The following CEP170B variants were observed in gnomAD, a reference collection of about 807,000 sequenced individuals.
CEP170B encodes the protein centrosomal protein 170B.
Under a neutral mutation model 120.6 loss-of-function variants are expected in CEP170B, and 55 were observed. The ratio of observed to expected loss-of-function variants is 0.46; its 90% confidence interval spans 0.37 to 0.57. The LOEUF (loss-of-function observed/expected upper bound fraction) is 0.57, where lower values mean the gene tolerates loss of function less well. Ranked by LOEUF, CEP170B falls within the 20% of genes least tolerant of loss-of-function variation. The pLI is 0.00. For missense variants in CEP170B, 2,212 were observed against 2,253.3 expected (o/e 0.98, Z 0.37); for synonymous variants, 1,033 against 954.5 (o/e 1.08, Z -1.52).
intron 2 of CEP170B, among the ~76,000 whole-genome samples, chr14:104,875,768 CG>C (rs957729996): frequency 2.2e-3 from 329 of 152,208 alleles, no homozygotes; most frequent in African/African-American, 7.4e-3. Context: ...ACCTGTCCTC[CG>C]GGGGGGTGGT....
At chr14:104,889,814 G>A (rs1896700449) in intron 13 of CEP170B, 56 bp downstream of exon 13, 2 of 1,550,676 alleles carry the variant, frequency 1.3e-6, no homozygotes, top group Non-Finnish European at 1.8e-6. Context: ...TCTTGAGTGA[G>A]AGCACCCTGA....
chr14:104,878,954 G>T (rs1251982146), intron 5 of CEP170B, among the ~76,000 whole-genome samples: 1 of 152,232 alleles, frequency 6.6e-6, no homozygotes. Flanking sequence ...CACCCTGCAG[G>T]AGAGTGCAGC....
chr14:104,864,951 G>A (rs955140329), upstream of CEP170B, among the ~76,000 whole-genome samples: 1 of 151,562 alleles, frequency 6.6e-6, no homozygotes, highest in Non-Finnish European at 1.5e-5. The surrounding 1 kb of genome is among the most constrained non-coding windows in gnomAD (Gnocchi z 5.9). Context: ...GGGCCGGACC[G>A]GGAGGCGAAG....
At chr14:104,876,716 A>G (rs1357815157) in intron 3 of CEP170B, among the ~76,000 whole-genome samples, 1 of 152,082 alleles carries the variant, frequency 6.6e-6, no homozygotes, top group African/African-American at 2.4e-5. Flanking sequence ...GGCTGCTCTC[A>G]GGGAGAGTGG....
chr14:104,883,879 C>T lies in CEP170B; in HGVS notation c.1100C>T (p.Ala367Val), dbSNP rs1458308248. Residue 367 changes from alanine (A) to valine (V), a missense_variant, in exon 9 of 19, where the codon GCC (alanine) becomes GTC (valine). Around this residue, in one of 2 missense-constraint regions of CEP170B, gnomAD observed 2,166 missense variants for 2,166.7 expected, o/e 1.00. Coordinates refer to ENST00000414716, the MANE Select transcript of CEP170B (RefSeq NM_001112726.3). ...GTQSDSEDPLAKAASAAGVPL... is the reference protein window; with the variant it reads ...GTQSDSEDPLVKAASAAGVPL... ...CAGAGTGACTCAGAGGACCCCCTGGCCAAGGCGGCCTCGGCCGCTGGGGTG... is the reference window on the plus strand; with the variant it reads ...CAGAGTGACTCAGAGGACCCCCTGGTCAAGGCGGCCTCGGCCGCTGGGGTG... 33 of 1,578,590 alleles carry T rather than the reference C, an allele frequency of 2.1e-5. No individual in the cohort carries two copies. The highest frequency in any genetic ancestry group is 2.7e-5 in the Non-Finnish European group (31 of 1,163,060).
chr14:104,871,936 C>T (rs1051468540), intron 2 of CEP170B, among the ~76,000 whole-genome samples: 2 of 152,222 alleles, frequency 1.3e-5, no homozygotes, highest in African/African-American at 4.8e-5. Context: ...GTCCCACGGA[C>T]CACGCTGTCC....
chr14:104,872,488 C>CGTGTGGGTGTGCCATGTGTG, intron 2 of CEP170B, among the ~76,000 whole-genome samples: 1 of 73,450 alleles, frequency 1.4e-5, no homozygotes, highest in Non-Finnish European at 4.1e-5. Flanking sequence ...TGCGTGTGTG[C>CGTGTGGGTGTGCCATGTGTG]CGTGTGTGTG....
In CEP170B at chr14:104,884,528, G is replaced by A. The variant is rs753177387; in HGVS notation, c.1749G>A (p.Glu583=). ...AGGCGCAGGACACGGAGGTGGAGGA[G>A]GCCCGGAAGATGATCGACCAGGTGC... The part of the protein sequence containing the change: ...ETEAQDTEVE[E]ARKMIDQVFG... Residue 583 remains glutamate (E), a synonymous_variant, in exon 9 of 19, where the codon GAG becomes GAA. Transcript: ENST00000414716. 30 of 1,563,106 alleles carry A rather than the reference G, an allele frequency of 1.9e-5. No homozygotes were observed. The highest frequency in any genetic ancestry group is 2.0e-5 in the Non-Finnish European group (23 of 1,153,792).
chr14:104,893,080 C>T lies in CEP170B; in HGVS notation c.3983C>T (p.Ala1328Val). Reference sequence around the variant, plus strand: ...GGCTCCTCGGAGCCTGCCCACAGCGCCTCCCTCAGCAACATGCCCAGCACC... The same window carrying T: ...GGCTCCTCGGAGCCTGCCCACAGCGTCTCCCTCAGCAACATGCCCAGCACC... ...TLGSSEPAHS[A>V]SLSNMPSTPA... The change falls in exon 14 of 19, where the codon GCC becomes GTC. Residue 1328 changes from alanine (A) to valine (V), a missense_variant. By Grantham distance (64) the Ala-to-Val change is moderately conservative. Transcript: ENST00000414716. 6.2e-7 allele frequency: 1 copy of T among 1,606,730 alleles called. No homozygotes were observed. Among genetic ancestry groups the T allele is most frequent in the Non-Finnish European group, 8.5e-7 (1 of 1,177,984 alleles).
chr14:104,877,858 C>T lies in CEP170B; in HGVS notation c.196-27C>T, dbSNP rs373530242. On this transcript the variant is annotated intron_variant, in intron 3 of 18. Coordinates refer to ENST00000414716, the MANE Select transcript of CEP170B (RefSeq NM_001112726.3). ...GCCACCCACCCGCGCAGCTCCCCCCCCCCCCCCGCCACCTGTTTTCCTGCA... is the reference window on the plus strand; with the variant it reads ...GCCACCCACCCGCGCAGCTCCCCCCTCCCCCCCGCCACCTGTTTTCCTGCA... 17 of 975,088 alleles carry T rather than the reference C, an allele frequency of 1.7e-5. 1 individual carries two copies. Among genetic ancestry groups the T allele is most frequent in the African/African-American group, 1.9e-5 (1 of 52,678 alleles). 60.4% of individuals were successfully genotyped at this position (975,088 alleles called of 1,614,324 possible). A position where few individuals can be genotyped will look rare whatever the true frequency, so the allele number is the denominator to read the frequency against.
At chr14:104,865,069 G>A (rs1017968173), upstream of CEP170B, among the ~76,000 whole-genome samples, 4 of 151,292 alleles carry the variant, frequency 2.6e-5, no homozygotes, top group Non-Finnish European at 4.4e-5. The surrounding 1 kb of genome is among the most constrained non-coding windows in gnomAD (Gnocchi z 6.7). Context: ...CTGGGGCAGG[G>A]GCGGGATGGC....
intron 7 of CEP170B, 65 bp downstream of exon 7, chr14:104,882,897 G>A (rs889583680): frequency 1.1e-4 from 164 of 1,533,648 alleles, no homozygotes; most frequent in Non-Finnish European, 1.4e-4. Context: ...TGAAGGGGAT[G>A]GCCTGGGCTT....
intron 6 of CEP170B, 145 bp from the exon 7 acceptor site, chr14:104,882,583 C>T (rs1057150397): frequency 3.3e-5 from 20 of 597,102 alleles, no homozygotes; most frequent in East Asian, 1.1e-4. Context: ...CCCACAGAGG[C>T]GGGGCCCTGG....
chr14:104,885,988 C>T, intron 10 of CEP170B, 52 bp from the exon 11 acceptor site: 1 of 1,460,228 alleles, frequency 6.8e-7, no homozygotes, highest in Non-Finnish European at 9.2e-7. Flanking sequence ...GCACCCCCTG[C>T]TTCTCGCCGT....
At chr14:104,893,466 C>T (rs1440560872) in intron 14 of CEP170B, 57 bp from the exon 15 acceptor site, 8 of 1,559,484 alleles carry the variant, frequency 5.1e-6, no homozygotes, top group Non-Finnish European at 6.9e-6. Context: ...GAGGTGCAGC[C>T]ACAGCCTGGC....
Position 104,894,919 on chromosome 14 carries a change from C to A in CEP170B, c.4626C>A (p.Asp1542Glu). ...GCTGTGGGCCTCCCAGCCTCCCGGA[C>A]CCCACCTTCCTCCCTGATGCCGAGA... The part of the protein sequence containing the change: ...RASCGPPSLP[D>E]PTFLPDAERF... Residue 1542 changes from aspartate to glutamate, a missense_variant, in exon 19 of 19, where the codon GAC becomes GAA. Physicochemically the swap from Asp to Glu is conservative, Grantham distance 45. This residue lies in a region of CEP170B where 2,166 missense variants were observed against 2,166.7 expected (regional missense o/e 1.00). Coordinates refer to ENST00000414716, the MANE Select transcript of CEP170B (RefSeq NM_001112726.3). 1 of 1,594,556 alleles carries A rather than the reference C, an allele frequency of 6.3e-7. No individual in the cohort carries two copies. The highest frequency in any genetic ancestry group is 8.5e-7 in the Non-Finnish European group (1 of 1,170,968).
Position 104,868,500 on chromosome 14 carries a change from G to A in CEP170B, c.50G>A (p.Arg17Gln), listed in dbSNP as rs1331540467. ...GTGAGCAGCAGCGGCGCCCGCCACC[G>A]GCTCCCTCGGGAGCTCATCTTCGTG... ...FLVSSSGARHRLPRELIFVGR... is the reference protein window; with the variant it reads ...FLVSSSGARHQLPRELIFVGR... Residue 17 changes from arginine (R) to glutamine (Q), a missense_variant, in exon 2 of 19, where the codon CGG (arginine) becomes CAG (glutamine). Physicochemically the swap from Arg to Gln is conservative, Grantham distance 43. Transcript: ENST00000414716. This position sits in a 1 kb window ranked among gnomAD's most constrained non-coding sequence, Gnocchi z 5.9. The A allele has an allele frequency of 2.6e-6, 4 of 1,549,466 alleles. No individual in the cohort carries two copies. The highest frequency in any genetic ancestry group is 1.8e-4 in the Middle Eastern group (1 of 5,410).
chr14:104,883,609 G>A (rs1430274995), intron 8 of CEP170B, 101 bp downstream of exon 8: 1 of 1,293,636 alleles, frequency 7.7e-7, no homozygotes, highest in African/African-American at 1.5e-5. Flanking sequence ...CATTCAGCTG[G>A]GTTGACTTCC....
intron 6 of CEP170B, among the ~76,000 whole-genome samples, chr14:104,881,569 G>A (rs184278931): frequency 6.6e-6 from 1 of 152,344 alleles, no homozygotes; most frequent in African/African-American, 2.4e-5. Flanking sequence ...CAGAGCACCT[G>A]TCAGTGTCCA....
Sources: allele counts gnomAD v4.1 joint callset (sites outside exome capture counted in the v4.1 genomes callset), GRCh38; gene constraint gnomAD v4.1.1; regional missense constraint gnomAD v4.1.1; non-coding constraint Gnocchi (gnomAD v3.1); transcripts MANE v1.5; gene names NCBI Gene and HGNC (gene_info 2026-07-23, HGNC 2026-07-21).